Variants in MEGF11 observed in about 807,000 individuals in gnomAD.
MEGF11 encodes the protein multiple epidermal growth factor-like domains protein 11.
MEGF11 carries 126 observed loss-of-function variants against 146.6 expected under a neutral mutation model. The ratio of observed to expected loss-of-function variants is 0.86; its 90% CI spans 0.74 to 1.00. The LOEUF is 1.00. Among genes scored for constraint, MEGF11 ranks in the 50% least tolerant of loss-of-function variants. MEGF11 has a pLI of 0.00. For synonymous variants in MEGF11, 532 were observed against 583.4 expected, an observed-to-expected ratio of 0.91 and a Z score of 1.27; for missense variants, 1,509 against 1,521.2, an observed-to-expected ratio of 0.99 and a Z score of 0.13.
intron 10 of MEGF11, among the ~76,000 whole-genome samples, chr15:65,945,810 A>T (rs1212736713): frequency 3.3e-5 from 5 of 152,094 alleles, no homozygotes; most frequent in Non-Finnish European, 7.4e-5. Flanking sequence ...GCCACAGTTA[A>T]GGTTTCATCC....
Position 65,965,061 on chromosome 15 carries a change from C to T in MEGF11, c.959G>A (p.Cys320Tyr). The change falls in exon 9 of 26, where the codon TGC becomes TAC. Residue 320 changes from cysteine (C) to tyrosine (Y), a missense_variant. Physicochemically the swap from Cys to Tyr is radical, Grantham distance 194. Transcript: ENST00000395614. ...FGFQCSQHCDCHNGGQCSPTT... is the reference protein window; with the variant it reads ...FGFQCSQHCDYHNGGQCSPTT... ...GGGTGAACACTGCCCCCCATTGTGG[C>T]AGTCACAGTGCTGTGAGCACTGGAA... 1.3e-6 allele frequency: 2 copies of T among 1,595,952 alleles called. No individual in the cohort carries two copies. Among genetic ancestry groups the T allele is most frequent in the Admixed American group, 1.7e-5 (1 of 58,144 alleles).
chr15:65,970,419 CAGG>C (rs2081263818), intron 8 of MEGF11, 131 bp downstream of exon 8: 2 of 981,808 alleles, frequency 2.0e-6, no homozygotes, highest in Admixed American at 2.7e-5. Flanking sequence ...CCCTCCCTGG[CAGG>C]AGAGCTCAGA....
Position 65,907,173 on chromosome 15 carries a change from C to T in MEGF11, c.2999-1032G>A, listed in dbSNP as rs181539399. Among the ~76,000 whole-genome samples the T allele has an allele frequency of 4.9e-3, 747 of 152,342 alleles. 12 individuals are homozygous for T. The highest frequency in any genetic ancestry group is 5.6e-3 in the Non-Finnish European group (380 of 68,036). On this transcript the variant is annotated intron_variant, in intron 23 of 25. Coordinates refer to ENST00000395614, the MANE Select transcript of MEGF11 (RefSeq NM_001385028.1). ...TGAAGACCACCCTGTTGCTATCGCT[C>T]CTCTACGTAGAGTTCCCATGTTGAA...
At chr15:65,989,447 T>A (rs333573) in intron 5 of MEGF11, among the ~76,000 whole-genome samples, 1 of 152,210 alleles carries the variant, frequency 6.6e-6, no homozygotes, top group African/African-American at 2.4e-5. Flanking sequence ...CCCCCAATCT[T>A]CCACCCCACC....
intron 1 of MEGF11, among the ~76,000 whole-genome samples, chr15:66,238,390 C>T (rs1474951359): frequency 2.0e-5 from 3 of 152,216 alleles, no homozygotes; most frequent in Admixed American, 6.5e-5. Flanking sequence ...TGTGTTGCTT[C>T]TCAGACTGCA....
intron 1 of MEGF11, among the ~76,000 whole-genome samples, chr15:66,224,775 G>C (rs1160705828): frequency 6.7e-6 from 1 of 148,728 alleles, no homozygotes; most frequent in Non-Finnish European, 1.5e-5. Context: ...TAAAGTACCT[G>C]TCATAGCATA....
chr15:66,132,212 T>C (rs1283606200), intron 1 of MEGF11, among the ~76,000 whole-genome samples: 1 of 152,138 alleles, frequency 6.6e-6, no homozygotes, highest in East Asian at 1.9e-4. Context: ...CCAGCACCTG[T>C]GGAGGCCAGT....
At chr15:66,216,295 A>G (rs1019598830) in intron 1 of MEGF11, among the ~76,000 whole-genome samples, 7 of 152,154 alleles carry the variant, frequency 4.6e-5, no homozygotes, top group African/African-American at 1.7e-4. Flanking sequence ...GACTGCAGCC[A>G]TCATGTAGGG....
At chr15:66,085,600 GGAA>G (rs2086074617) in intron 5 of MEGF11, among the ~76,000 whole-genome samples, 2 of 152,200 alleles carry the variant, frequency 1.3e-5, no homozygotes, top group African/African-American at 4.8e-5. Context: ...TTGGCTTACA[GGAA>G]GCCACATCCA....
Position 66,167,641 on chromosome 15 carries a change from G to A in MEGF11, c.-8-39230C>T, listed in dbSNP as rs535532113. ...GCCTGGGCAATGAGAGCGAAATTCCGTCTCAAACAAACAAACAAAACAAAC... is the reference window on the plus strand; with the variant it reads ...GCCTGGGCAATGAGAGCGAAATTCCATCTCAAACAAACAAACAAAACAAAC... On this transcript the variant is annotated intron_variant, in intron 1 of 25. Transcript: ENST00000395614. Among the ~76,000 whole-genome samples the A allele has an allele frequency of 1.9e-3, 277 of 149,440 alleles. 1 individual carries two copies. Among genetic ancestry groups the A allele is most frequent in the Non-Finnish European group, 3.4e-3 (226 of 67,250 alleles).
At chr15:66,242,228 G>C (rs535331071) in intron 1 of MEGF11, among the ~76,000 whole-genome samples, 2 of 151,828 alleles carry the variant, frequency 1.3e-5, no homozygotes, top group African/African-American at 4.8e-5. Context: ...GCAACACAGG[G>C]AGACCCCATC....
At chr15:65,961,285 GT>G (rs1313981134) in intron 9 of MEGF11, among the ~76,000 whole-genome samples, 2 of 151,932 alleles carry the variant, frequency 1.3e-5, no homozygotes, top group African/African-American at 4.8e-5. Flanking sequence ...GTTCTCTCTG[GT>G]TTTTTCTTTT....
intron 24 of MEGF11, among the ~76,000 whole-genome samples, chr15:65,902,711 T>C (rs992089141): frequency 6.6e-6 from 1 of 152,210 alleles, no homozygotes; most frequent in Non-Finnish European, 1.5e-5. Context: ...CCTCCAAGGC[T>C]TGTCATTTGC....
Position 65,980,839 on chromosome 15 carries a change from CAG to C in MEGF11, c.699_700del (p.Cys234SerfsTer50), listed in dbSNP as rs1567187809. The stretch of plus-strand genomic sequence containing the variant: ...GTGGTGGCAGGTGCCCCCATTCTGA[CAG>C]GGGCAGCGCAGCTCACAGTGAGCTC... On this transcript the variant is annotated frameshift_variant, in exon 7 of 26. Coordinates refer to ENST00000395614, the MANE Select transcript of MEGF11 (RefSeq NM_001385028.1). LOFTEE classifies it high-confidence loss of function. 3 of 1,600,812 alleles carry C rather than the reference CAG, an allele frequency of 1.9e-6. No individual in the cohort carries two copies. Among genetic ancestry groups the C allele is most frequent in the East Asian group, 2.3e-5 (1 of 44,246 alleles).
chr15:66,109,810 T>G (rs1212624984), intron 4 of MEGF11, among the ~76,000 whole-genome samples: 1 of 152,212 alleles, frequency 6.6e-6, no homozygotes, highest in African/African-American at 2.4e-5. Context: ...TGCCTCTCCC[T>G]AAGAGGTCTC....
intron 5 of MEGF11, among the ~76,000 whole-genome samples, chr15:66,079,934 C>T (rs546642090): frequency 2.0e-5 from 3 of 152,360 alleles, no homozygotes; most frequent in Non-Finnish European, 4.4e-5. Context: ...CACCTGCTTC[C>T]TCCCCTTTCC....
At chr15:66,160,245 CTCTCTCT>C (rs2089903674) in intron 1 of MEGF11, among the ~76,000 whole-genome samples, 1 of 75,520 alleles carries the variant, frequency 1.3e-5, no homozygotes, top group Non-Finnish European at 3.0e-5. Context: ...GAAAAGCCCT[CTCTCTCT>C]CTCTCTCTCT....
At chr15:65,969,074 G>C (rs1334640039) in intron 8 of MEGF11, among the ~76,000 whole-genome samples, 4 of 152,164 alleles carry the variant, frequency 2.6e-5, no homozygotes, top group Admixed American at 1.3e-4. Flanking sequence ...CTTGGCTTTA[G>C]GGGTTCCTCT....
At chr15:66,007,965 G>T (rs2082570666) in intron 5 of MEGF11, among the ~76,000 whole-genome samples, 1 of 152,146 alleles carries the variant, frequency 6.6e-6, no homozygotes. Context: ...TGGAGCTGTG[G>T]CATGGTTGTC....
Sources: gnomAD v4.1 joint callset for allele counts (sites outside exome capture counted in the v4.1 genomes callset) on GRCh38, gnomAD v4.1.1 for gene constraint, MANE v1.5 for transcripts, NCBI Gene and HGNC (gene_info 2026-07-23, HGNC 2026-07-21) for gene names.